The following RPS6KA1 variants were observed in gnomAD, a reference collection of about 807,000 sequenced individuals.
The protein encoded by RPS6KA1 is ribosomal protein S6 kinase A1.
In RPS6KA1, 48 loss-of-function variants were observed where a neutral mutation model predicts 91.3. The observed-to-expected ratio is 0.53, with a 90% CI of 0.42 to 0.67. The LOEUF (loss-of-function observed/expected upper bound fraction) is 0.67. Ranked by LOEUF, RPS6KA1 falls within the 30% of genes least tolerant of loss-of-function variation. The pLI is 0.00. For synonymous variants in RPS6KA1, 359 were observed against 384.7 expected, an observed-to-expected ratio of 0.93 and a Z score of 0.78; for missense variants, 719 against 960.5, an observed-to-expected ratio of 0.75 and a Z score of 3.32.
intron 13 of RPS6KA1, 96 bp downstream of exon 13, chr1:26,557,196 G>A: frequency 2.1e-6 from 2 of 947,064 alleles, no homozygotes; most frequent in Middle Eastern, 2.1e-4. Context: ...CAGGGACACT[G>A]ACAGGCCGAG....
chr1:26,546,784 C>T (rs995845781), intron 2 of RPS6KA1, 83 bp from the exon 3 acceptor site: 1 of 1,002,392 alleles, frequency 1.0e-6, no homozygotes, highest in African/African-American at 1.6e-5. Flanking sequence ...CTGCTGTGGT[C>T]TGGTGGGAAT....
intron 2 of RPS6KA1, among the ~76,000 whole-genome samples, chr1:26,543,748 G>A (rs1452627628): frequency 6.6e-6 from 1 of 152,178 alleles, no homozygotes; most frequent in African/African-American, 2.4e-5. Flanking sequence ...CCCAGGCCAG[G>A]CAGTAAGCAG....
intron 2 of RPS6KA1, among the ~76,000 whole-genome samples, chr1:26,543,612 C>G (rs146054665): frequency 2.0e-5 from 3 of 152,170 alleles, no homozygotes; most frequent in Non-Finnish European, 4.4e-5. Flanking sequence ...CCAGGACCTA[C>G]AGTGGGAGGT....
rs569568273 is a variant in RPS6KA1 at position 26,563,202 on chromosome 1, CCA to C, written c.1590+1544_1590+1545del. Among the ~76,000 whole-genome samples, 148 of 151,856 alleles carry C rather than the reference CCA, an allele frequency of 9.7e-4. 2 individuals carry two copies. In the South Asian group the frequency reaches 0.03, roughly 31 times the overall value. On this transcript the variant is annotated intron_variant, in intron 17 of 21. Coordinates refer to ENST00000374168, the MANE Select transcript of RPS6KA1 (RefSeq NM_002953.4). ...ATTGAAATTAGAATACCTGTAAGTT[CCA>C]CACATTTCATTCAGTTGGTAAATCT...
At chr1:26,568,080 AGGTAT>A (rs756064757) in intron 17 of RPS6KA1, among the ~76,000 whole-genome samples, 39 of 152,036 alleles carry the variant, frequency 2.6e-4, no homozygotes, top group Non-Finnish European at 4.4e-4. Context: ...TTTTGATTTG[AGGTAT>A]GGTTTAGTAA....
At position 26,571,013 on chromosome 1, in the gene RPS6KA1, C is replaced by G. The variant is rs1033477478; in HGVS notation, c.1591-436C>G. 7.7e-5 allele frequency among the ~76,000 whole-genome samples: 10 copies of G among 130,604 alleles called. No individual in the cohort carries two copies. The highest frequency in any genetic ancestry group is 2.4e-4 in the African/African-American group (8 of 33,660). 85.7% of individuals were successfully genotyped at this position (130,604 alleles called of 152,430 possible). On this transcript the variant is annotated intron_variant, in intron 17 of 21. Coordinates refer to ENST00000374168, the MANE Select transcript of RPS6KA1 (RefSeq NM_002953.4). This position sits in a 1 kb window ranked among gnomAD's most constrained non-coding sequence, Gnocchi z 5.1. ...CGGCGGGTGCCTGTAATCCCAGCTA[C>G]TTGGGAGCTGAGGCAGGAGAATTGC...
chr1:26,555,648 A>C lies in RPS6KA1; in HGVS notation c.916+23A>C. ...TCGGTAAGCAGCCCCAGCTCAGGGG[A>C]GGGGATGTGGCGATGGGGAGCCGGG... On this transcript the variant is annotated intron_variant, in intron 11 of 21. Transcript: ENST00000374168. The surrounding 1 kb of genome is among the most constrained non-coding windows in gnomAD (Gnocchi z 4.3). 2 of 1,572,488 alleles carry C rather than the reference A, an allele frequency of 1.3e-6. No homozygotes were observed. Among genetic ancestry groups the C allele is most frequent in the Non-Finnish European group, 1.7e-6 (2 of 1,157,516 alleles).
chr1:26,571,732 G>T lies in RPS6KA1; in HGVS notation c.1753-117G>T. On this transcript the variant is annotated intron_variant, in intron 18 of 21. Transcript: ENST00000374168. This position sits in a 1 kb window ranked among gnomAD's most constrained non-coding sequence, Gnocchi z 5.1. Reference sequence around the variant, plus strand: ...TGTGACCTTGGCCCAGCTGGCAAGGGAAGATCTAGCCTGTGCCTGGGACCC... The same window carrying T: ...TGTGACCTTGGCCCAGCTGGCAAGGTAAGATCTAGCCTGTGCCTGGGACCC... The T allele has an allele frequency of 6.7e-7, 1 of 1,483,942 alleles. No homozygotes were observed. The allele number at this position is 1,483,942 out of a possible 1,614,324, so 91.9% of individuals were successfully genotyped here. A position where few individuals can be genotyped will look rare whatever the true frequency, so the allele number is the denominator to read the frequency against.
At chr1:26,538,098 G>A (rs1001408603) in intron 2 of RPS6KA1, among the ~76,000 whole-genome samples, 6 of 152,158 alleles carry the variant, frequency 3.9e-5, no homozygotes, top group Non-Finnish European at 8.8e-5. Flanking sequence ...ACTGAGCTGG[G>A]TAGGATAGGG....
intron 1 of RPS6KA1, among the ~76,000 whole-genome samples, chr1:26,533,335 G>A (rs2075881602): frequency 6.6e-6 from 1 of 152,124 alleles, no homozygotes; most frequent in Admixed American, 6.5e-5. Context: ...GATCTGTGAG[G>A]CCTCTTGGCC....
chr1:26,547,393 G>A lies in RPS6KA1; in HGVS notation c.307+123G>A. On this transcript the variant is annotated intron_variant, in intron 4 of 21. Transcript: ENST00000374168. This position sits in a 1 kb window ranked among gnomAD's most constrained non-coding sequence, Gnocchi z 4.1. ...CTTCAGGAGCACCTAGTTCAAAGGT[G>A]GAGAAACAGGCCTATTTCTCAGCTA... 2 of 731,332 alleles carry A rather than the reference G, an allele frequency of 2.7e-6. No homozygotes were observed. The highest frequency in any genetic ancestry group is 4.7e-6 in the Non-Finnish European group (2 of 429,678). 45.3% of individuals were successfully genotyped at this position (731,332 alleles called of 1,614,324 possible).
intron 17 of RPS6KA1, among the ~76,000 whole-genome samples, chr1:26,570,257 G>A (rs1272398494): frequency 2.0e-5 from 3 of 152,182 alleles, no homozygotes; most frequent in African/African-American, 7.2e-5. Flanking sequence ...GGCCCAGGCA[G>A]GAGGATCACT....
At chr1:26,549,690 C>CTTTTTTTTTTTTTTTTTTTTTTTTTTTT (rs561375723) in intron 4 of RPS6KA1, among the ~76,000 whole-genome samples, 2 of 101,916 alleles carry the variant, frequency 2.0e-5, no homozygotes, top group African/African-American at 3.7e-5. Context: ...AAAGCCTGTT[C>CTTTTTTTTTTTTTTTTTTTTTTTTTTTT]TTTTTTTTTT....
At position 26,555,242 on chromosome 1, in the gene RPS6KA1, G is replaced by T; in HGVS notation, c.827+21G>T. ...CTGAAGTAAGCCCCAGCCCTGCCCT[G>T]ATAACAATGGACTCCTCCAAGCCCC... is the stretch of plus-strand genomic sequence containing the variant. On this transcript the variant is annotated intron_variant, in intron 10 of 21. Transcript: ENST00000374168. This position sits in a 1 kb window ranked among gnomAD's most constrained non-coding sequence, Gnocchi z 4.3. 1 of 1,612,088 alleles carries T rather than the reference G, an allele frequency of 6.2e-7. No individual in the cohort carries two copies. The highest frequency in any genetic ancestry group is 8.5e-7 in the Non-Finnish European group (1 of 1,178,214).
Position 26,547,547 on chromosome 1 carries a change from CAA to C in RPS6KA1, c.307+278_307+279del. ...CGGGGCCCTCAACTACCAAGCTGGTCAAGCAGAGGCATTCTGACTGTTGATGC... is the reference window on the plus strand; with the variant it reads ...CGGGGCCCTCAACTACCAAGCTGGTCGCAGAGGCATTCTGACTGTTGATGC... On this transcript the variant is annotated intron_variant, in intron 4 of 21. Transcript: ENST00000374168. This position sits in a 1 kb window ranked among gnomAD's most constrained non-coding sequence, Gnocchi z 4.1. 1 of 393,024 alleles carries C rather than the reference CAA, an allele frequency of 2.5e-6. No individual in the cohort carries two copies. Among genetic ancestry groups the C allele is most frequent in the Non-Finnish European group, 4.8e-6 (1 of 206,334 alleles). 24.3% of individuals were successfully genotyped at this position (393,024 alleles called of 1,614,324 possible). A position where few individuals can be genotyped will look rare whatever the true frequency, so the allele number is the denominator to read the frequency against.
chr1:26,554,161 A>G lies in RPS6KA1; in HGVS notation c.576-53A>G, dbSNP rs1570442024. The G allele has an allele frequency of 5.2e-6, 8 of 1,534,662 alleles. No homozygotes were observed. In the East Asian group the frequency reaches 7.3e-5, roughly 14 times the overall value. ...ACTCCCACAGCCCTGTGGTAACACCATCACCCACACGGCCACAGCTGAGGG... is the reference window on the plus strand; with the variant it reads ...ACTCCCACAGCCCTGTGGTAACACCGTCACCCACACGGCCACAGCTGAGGG... On this transcript the variant is annotated intron_variant, in intron 7 of 21. Coordinates refer to ENST00000374168, the MANE Select transcript of RPS6KA1 (RefSeq NM_002953.4). This position sits in a 1 kb window ranked among gnomAD's most constrained non-coding sequence, Gnocchi z 4.6.
Position 26,554,690 on chromosome 1 carries a change from C to T in RPS6KA1, c.708C>T (p.Arg236=), listed in dbSNP as rs1448742620. Residue 236 remains arginine (R), a synonymous_variant, in exon 9 of 22, where the codon CGC becomes CGT. Transcript: ENST00000374168. The surrounding 1 kb of genome is among the most constrained non-coding windows in gnomAD (Gnocchi z 4.6). The stretch of plus-strand genomic sequence containing the variant: ...ACATGGCCCCTGAGGTCGTCAACCG[C>T]CAGGGCCACTCCCATAGTGCGGACT... The part of the protein sequence containing the change: ...VEYMAPEVVN[R]QGHSHSADWW... The T allele has an allele frequency of 1.9e-6, 3 of 1,613,002 alleles. No individual in the cohort carries two copies. Among genetic ancestry groups the T allele is most frequent in the Non-Finnish European group, 2.5e-6 (3 of 1,179,146 alleles).
chr1:26,569,456 A>G (rs2076231826), intron 17 of RPS6KA1, among the ~76,000 whole-genome samples: 1 of 152,064 alleles, frequency 6.6e-6, no homozygotes, highest in Non-Finnish European at 1.5e-5. Context: ...ACTTTCTCCA[A>G]GGCTTGGATA....
In RPS6KA1 at chr1:26,547,503, C is replaced by G. The variant is rs1290827640; in HGVS notation, c.307+233C>G. 2 of 509,804 alleles carry G rather than the reference C, an allele frequency of 3.9e-6. No homozygotes were observed. The highest frequency in any genetic ancestry group is 3.9e-5 in the African/African-American group (2 of 51,756). The allele number at this position is 509,804 out of a possible 1,614,324, so 31.6% of individuals were successfully genotyped here. A position where few individuals can be genotyped will look rare whatever the true frequency, so the allele number is the denominator to read the frequency against. On this transcript the variant is annotated intron_variant, in intron 4 of 21. Coordinates refer to ENST00000374168, the MANE Select transcript of RPS6KA1 (RefSeq NM_002953.4). The surrounding 1 kb of genome is among the most constrained non-coding windows in gnomAD (Gnocchi z 4.1). The stretch of plus-strand genomic sequence containing the variant: ...CTGGAAGGTGGTAATAGGGTAAATG[C>G]AATGTGTTTGTCAGGGGGCGGGGCC...
Sources: allele counts gnomAD v4.1 joint callset (sites outside exome capture counted in the v4.1 genomes callset), GRCh38; gene constraint gnomAD v4.1.1; non-coding constraint Gnocchi (gnomAD v3.1); transcripts MANE v1.5; gene names NCBI Gene and HGNC (gene_info 2026-07-23, HGNC 2026-07-21).